Variants in PRIM2 observed in about 807,000 individuals in gnomAD.
The protein encoded by PRIM2 is DNA primase subunit 2.
A neutral mutation model predicts 67.3 loss-of-function variants in PRIM2; 39 were observed. The observed-to-expected ratio is 0.58, with a 90% confidence interval of 0.45 to 0.76. The LOEUF (loss-of-function observed/expected upper bound fraction) is 0.76, where lower values mean the gene tolerates loss of function less well. Among genes scored for constraint, PRIM2 ranks in the 30% least tolerant of loss-of-function variants. The pLI is 0.00. For missense variants in PRIM2, 398 were observed against 598.7 expected, an observed-to-expected ratio of 0.66 and a Z score of 3.50; for synonymous variants, 143 against 198.7, an observed-to-expected ratio of 0.72 and a Z score of 2.36.
At chr6:57,595,241 C>T (rs1207432519) in intron 10 of PRIM2, among the ~76,000 whole-genome samples, 12 of 152,052 alleles carry the variant, frequency 7.9e-5, no homozygotes, top group African/African-American at 2.9e-4. Flanking sequence ...AAATATATAC[C>T]TACAAAAGTC....
intron 8 of PRIM2, among the ~76,000 whole-genome samples, chr6:57,524,465 G>A (rs1476667506): frequency 6.6e-6 from 1 of 152,140 alleles, no homozygotes; most frequent in African/African-American, 2.4e-5. Context: ...ACTTTGGGAG[G>A]CCGAGGCGGG....
chr6:57,233,658 C>A, the PRIM2 span, among the ~76,000 whole-genome samples: 1 of 143,190 alleles, frequency 7.0e-6, no homozygotes, highest in South Asian at 2.4e-4. Context: ...TTCCTCCCTC[C>A]CTCCCTCCCT....
chr6:57,398,890 G>A lies in PRIM2; in HGVS notation c.693+16722G>A, dbSNP rs548919092. 6.2e-4 allele frequency among the ~76,000 whole-genome samples: 94 copies of A among 152,112 alleles called. 1 individual carries two copies. Among genetic ancestry groups the A allele is most frequent in the African/African-American group, 1.8e-3 (75 of 41,530 alleles). ...CTTTTATTCAATTGAAGTCTTTACCGTTATGAAATGCCCTTTTTTGTCTTT... is the reference window on the plus strand; with the variant it reads ...CTTTTATTCAATTGAAGTCTTTACCATTATGAAATGCCCTTTTTTGTCTTT... On this transcript the variant is annotated intron_variant, in intron 7 of 13. Coordinates refer to ENST00000615550, the MANE Select transcript of PRIM2 (RefSeq NM_000947.5).
intron 7 of PRIM2, among the ~76,000 whole-genome samples, chr6:57,470,066 C>A (rs1247703629): frequency 2.0e-4 from 30 of 152,078 alleles, no homozygotes; most frequent in African/African-American, 7.0e-4. Context: ...AACTTAAGTT[C>A]ACCTTAAGAA....
the PRIM2 span, among the ~76,000 whole-genome samples, chr6:57,228,375 C>A: frequency 1.3e-5 from 2 of 152,170 alleles, no homozygotes; most frequent in Non-Finnish European, 2.9e-5. Flanking sequence ...TGAGATGCAG[C>A]TTCTCAGATG....
chr6:57,460,115 C>T (rs72875421), intron 7 of PRIM2, among the ~76,000 whole-genome samples: 80 of 150,756 alleles, frequency 5.3e-4, no homozygotes, highest in East Asian at 9.8e-4. Flanking sequence ...TAAGCCAGTG[C>T]AAATGGTTTT....
intron 7 of PRIM2, among the ~76,000 whole-genome samples, chr6:57,438,830 T>C (rs954552646): frequency 3.3e-5 from 5 of 151,690 alleles, no homozygotes; most frequent in African/African-American, 1.2e-4. Flanking sequence ...TGGAGTGCAG[T>C]AGTGTGATCT....
chr6:57,440,925 CAG>C (rs562753328), intron 7 of PRIM2, among the ~76,000 whole-genome samples: 27 of 152,092 alleles, frequency 1.8e-4, no homozygotes, highest in Non-Finnish European at 3.7e-4. Context: ...TATAGCAGAA[CAG>C]AAATTATGCT....
At chr6:57,265,925 CATT>C in the PRIM2 span, among the ~76,000 whole-genome samples, 1 of 152,100 alleles carries the variant, frequency 6.6e-6, no homozygotes, top group South Asian at 2.1e-4. Context: ...GTCACCTCAT[CATT>C]AACAGGAAAT....
chr6:57,597,175 A>G (rs1776381735), intron 10 of PRIM2, among the ~76,000 whole-genome samples: 1 of 152,210 alleles, frequency 6.6e-6, no homozygotes, highest in African/African-American at 2.4e-5. Flanking sequence ...GCAACAAGAA[A>G]GGTACAGCAC....
At chr6:57,264,397 T>G in the PRIM2 span, among the ~76,000 whole-genome samples, 1 of 152,104 alleles carries the variant, frequency 6.6e-6, no homozygotes, top group East Asian at 1.9e-4. Flanking sequence ...GCCTCCTGAT[T>G]TATCGCACTG....
At chr6:57,394,615 C>T (rs75759527) in intron 7 of PRIM2, among the ~76,000 whole-genome samples, 3 of 152,170 alleles carry the variant, frequency 2.0e-5, no homozygotes, top group East Asian at 3.9e-4. Flanking sequence ...CAGCAAACAG[C>T]GACAGTTTGA....
chr6:57,520,167 C>T (rs1774581993), intron 8 of PRIM2, among the ~76,000 whole-genome samples: 2 of 152,278 alleles, frequency 1.3e-5, no homozygotes, highest in South Asian at 2.1e-4. Context: ...TCCAGCACCC[C>T]CTACCAAAGC....
chr6:57,539,028 GA>G (rs1775077770), intron 10 of PRIM2, among the ~76,000 whole-genome samples: 1 of 152,064 alleles, frequency 6.6e-6, no homozygotes, highest in African/African-American at 2.4e-5. Flanking sequence ...AAAAAGCATA[GA>G]TTTTTAAAAA....
chr6:57,241,963 T>C, the PRIM2 span, among the ~76,000 whole-genome samples: 10 of 152,304 alleles, frequency 6.6e-5, no homozygotes, highest in South Asian at 4.1e-4. Context: ...TCAGCCACTG[T>C]GCCCGGCCAG....
intron 5 of PRIM2, among the ~76,000 whole-genome samples, chr6:57,376,542 G>T (rs1769771072): frequency 6.6e-6 from 1 of 151,960 alleles, no homozygotes. Context: ...CCCTTTGCAT[G>T]TTCATGTACA....
intron 10 of PRIM2, among the ~76,000 whole-genome samples, chr6:57,565,727 C>T (rs1391430076): frequency 4.6e-5 from 7 of 152,112 alleles, no homozygotes; most frequent in East Asian, 1.9e-4. Context: ...TATCTGGGCA[C>T]GCTGTGATTT....
the PRIM2 span, among the ~76,000 whole-genome samples, chr6:57,298,736 C>T: frequency 6.6e-6 from 1 of 151,984 alleles, no homozygotes; most frequent in Non-Finnish European, 1.5e-5. Context: ...ATATGACAAA[C>T]CCAAAAGAAT....
intron 12 of PRIM2, among the ~76,000 whole-genome samples, chr6:57,626,722 T>G (rs1476570919): frequency 2.0e-5 from 3 of 151,168 alleles, no homozygotes; most frequent in Non-Finnish European, 4.4e-5. Context: ...CCTCCCCGAC[T>G]CAAGCGAACC....
Sources: allele counts gnomAD v4.1 joint callset (sites outside exome capture counted in the v4.1 genomes callset), GRCh38; gene constraint gnomAD v4.1.1; transcripts MANE v1.5; gene names NCBI Gene and HGNC (gene_info 2026-07-23, HGNC 2026-07-21).